Variants in DENND2B observed in about 807,000 individuals in gnomAD.
DENND2B encodes DENN domain-containing protein 2B.
In DENND2B, 32 loss-of-function variants were observed where a neutral mutation model predicts 116.0. The observed-to-expected ratio is 0.28, with a 90% CI of 0.21 to 0.37. The LOEUF (loss-of-function observed/expected upper bound fraction) is 0.37, where lower values mean the gene tolerates loss of function less well. Among genes scored for constraint, DENND2B ranks in the 10% least tolerant of loss-of-function variants. DENND2B has a pLI of 1.00. For missense variants in DENND2B, 1,276 were observed against 1,477.7 expected (o/e 0.86, Z 2.24); for synonymous variants, 588 against 583.9 (o/e 1.01, Z -0.10).
chr11:8,825,790 A>G (rs543398387), intron 4 of DENND2B, among the ~76,000 whole-genome samples: 2 of 152,288 alleles, frequency 1.3e-5, no homozygotes, highest in Admixed American at 1.3e-4. Flanking sequence ...GATGGTTATT[A>G]GTGAAAAAGA....
intron 1 of DENND2B, among the ~76,000 whole-genome samples, chr11:8,791,108 C>T (rs1166839448): frequency 6.6e-6 from 1 of 152,192 alleles, no homozygotes; most frequent in Non-Finnish European, 1.5e-5. Context: ...AAAGCCACAC[C>T]CTTTCTGGGT....
chr11:8,737,909 A>T (rs1592958640), intron 2 of DENND2B, among the ~76,000 whole-genome samples: 1 of 136,362 alleles, frequency 7.3e-6, no homozygotes, highest in Non-Finnish European at 1.6e-5. Flanking sequence ...CACCAGGTCC[A>T]GCTAATTTTT....
At chr11:8,904,209 G>A (rs1343185712) in intron 1 of DENND2B, among the ~76,000 whole-genome samples, 2 of 151,914 alleles carry the variant, frequency 1.3e-5, no homozygotes, top group African/African-American at 2.4e-5. Flanking sequence ...ATTCAACAAC[G>A]AAAGATTGGC....
chr11:8,694,005 G>A lies in DENND2B; in HGVS notation c.*91C>T, dbSNP rs1488542649. On this transcript the variant is annotated 3_prime_UTR_variant, in exon 20 of 20. Transcript: ENST00000313726. ...GAGGATAGGATCTGTGGGGGCAGAGGAGCCACAGCAGCCCAGAGGGTCCCA... is the reference window on the plus strand; with the variant it reads ...GAGGATAGGATCTGTGGGGGCAGAGAAGCCACAGCAGCCCAGAGGGTCCCA... 3 of 1,425,372 alleles carry A rather than the reference G, an allele frequency of 2.1e-6. No homozygotes were observed. The highest frequency in any genetic ancestry group is 4.6e-5 in the East Asian group (2 of 43,764). The allele number at this position is 1,425,372 out of a possible 1,614,324, so 88.3% of individuals were successfully genotyped here. A position where few individuals can be genotyped will look rare whatever the true frequency, so the allele number is the denominator to read the frequency against.
intron 1 of DENND2B, chr11:8,787,008 C>T (rs933148341): frequency 6.6e-6 from 1 of 152,124 alleles, no homozygotes; most frequent in Non-Finnish European, 1.5e-5. Flanking sequence ...AATACTGTAA[C>T]ACAATCCTAT....
At chr11:8,876,366 T>A (rs565043197), upstream of DENND2B, among the ~76,000 whole-genome samples, 2 of 152,290 alleles carry the variant, frequency 1.3e-5, no homozygotes, top group Admixed American at 6.5e-5. Flanking sequence ...GTAAACTGAA[T>A]TGTGTTACTT....
intron 2 of DENND2B, among the ~76,000 whole-genome samples, chr11:8,859,274 A>T (rs116400767): frequency 9.1e-4 from 136 of 148,886 alleles, no homozygotes; most frequent in African/African-American, 3.2e-3. Flanking sequence ...GCATAGGGTT[A>T]GATAAACACT....
At chr11:8,795,111 C>A (rs1335642026) in intron 1 of DENND2B, among the ~76,000 whole-genome samples, 1 of 152,210 alleles carries the variant, frequency 6.6e-6, no homozygotes, top group Non-Finnish European at 1.5e-5. Context: ...CCAGGATGGG[C>A]ATTTTCCAAA....
intron 4 of DENND2B, among the ~76,000 whole-genome samples, chr11:8,823,855 T>A (rs1353409338): frequency 2.6e-5 from 4 of 152,110 alleles, no homozygotes; most frequent in Admixed American, 2.6e-4. Context: ...TGAACCCTTT[T>A]TTTCCTTTTT....
intron 2 of DENND2B, among the ~76,000 whole-genome samples, chr11:8,859,555 G>A (rs1164795976): frequency 6.6e-6 from 1 of 152,096 alleles, no homozygotes; most frequent in Non-Finnish European, 1.5e-5. Flanking sequence ...TGATCCACCC[G>A]CCTCGGCCTC....
At chr11:8,905,824 A>T (rs1021434915) in intron 1 of DENND2B, among the ~76,000 whole-genome samples, 2 of 152,086 alleles carry the variant, frequency 1.3e-5, no homozygotes. Flanking sequence ...ATATAACGGG[A>T]TAGTATTCAG....
chr11:8,793,667 A>G (rs569644034), intron 1 of DENND2B, among the ~76,000 whole-genome samples: 1 of 152,330 alleles, frequency 6.6e-6, no homozygotes, highest in South Asian at 2.1e-4. Flanking sequence ...ATAATGCTGC[A>G]ATGAACACTG....
At chr11:8,859,814 GT>G (rs1052104155) in intron 2 of DENND2B, among the ~76,000 whole-genome samples, 3 of 152,092 alleles carry the variant, frequency 2.0e-5, no homozygotes, top group Admixed American at 2.0e-4. Context: ...GACCAAAGAA[GT>G]TACACCATCT....
At chr11:8,737,002 G>A (rs1269057964) in intron 2 of DENND2B, among the ~76,000 whole-genome samples, 6 of 152,212 alleles carry the variant, frequency 3.9e-5, no homozygotes, top group Non-Finnish European at 8.8e-5. Flanking sequence ...TTATTATGAT[G>A]ACTCGGATCA....
intron 4 of DENND2B, among the ~76,000 whole-genome samples, chr11:8,834,057 C>A (rs2062322354): frequency 6.6e-6 from 1 of 152,136 alleles, no homozygotes; most frequent in Non-Finnish European, 1.5e-5. Flanking sequence ...CTGGGCACCA[C>A]AGAAAGAAGG....
chr11:8,905,914 G>C (rs2064230089), intron 1 of DENND2B, among the ~76,000 whole-genome samples: 1 of 151,458 alleles, frequency 6.6e-6, no homozygotes, highest in Admixed American at 6.6e-5. Flanking sequence ...AAAGAAGCCA[G>C]GCAAAAAAAG....
At chr11:8,742,761 G>A (rs991094204) in intron 2 of DENND2B, among the ~76,000 whole-genome samples, 3 of 152,240 alleles carry the variant, frequency 2.0e-5, no homozygotes, top group African/African-American at 4.8e-5. Flanking sequence ...CTCAAATTAA[G>A]AAATGGCTTC....
rs375941705 is a variant in DENND2B at position 8,821,196 on chromosome 11, C to T, written c.-114-9861G>A. 7.9e-5 allele frequency among the ~76,000 whole-genome samples: 12 copies of T among 151,208 alleles called. No homozygotes were observed. The East Asian group carries it at 2.3e-3, about 29-fold the overall frequency. On this transcript the variant is annotated intron_variant, in intron 4 of 6. Coordinates refer to the DENND2B transcript ENST00000524757. ...ATTTAAAAGAAACTACTATAAACCA[C>T]AAACTGGTAGCAGCAATTTGTTCTA...
chr11:8,893,963 A>G (rs2064066895), intron 1 of DENND2B, among the ~76,000 whole-genome samples: 1 of 152,126 alleles, frequency 6.6e-6, no homozygotes, highest in Non-Finnish European at 1.5e-5. Flanking sequence ...CAAAAGAACA[A>G]AGCTGGAGGC....
Sources: gnomAD v4.1 joint callset for allele counts (sites outside exome capture counted in the v4.1 genomes callset) on GRCh38, gnomAD v4.1.1 for gene constraint, MANE v1.5 for transcripts, NCBI Gene and HGNC (gene_info 2026-07-23, HGNC 2026-07-21) for gene names.